Variants in EVI5 observed in about 807,000 individuals in gnomAD.
EVI5 encodes the protein ecotropic viral integration site 5, also known as ecotropic viral integration site 5 protein homolog.
In EVI5, 73 loss-of-function variants were observed where a neutral mutation model predicts 112.0. The ratio of observed to expected loss-of-function variants is 0.65; its 90% CI spans 0.54 to 0.79. EVI5 has a LOEUF of 0.79. Among genes scored for constraint, EVI5 ranks in the 30% least tolerant of loss-of-function variants. The probability of loss-of-function intolerance (pLI) is 0.00; values close to 1 mark genes in which losing one functional copy is unlikely to be tolerated. For missense variants in EVI5, 900 were observed against 968.8 expected (o/e 0.93, Z 0.94); for synonymous variants, 305 against 319.9 (o/e 0.95, Z 0.50).
chr1:92,699,909 A>T (rs1227724899), intron 5 of EVI5, among the ~76,000 whole-genome samples: 2 of 152,192 alleles, frequency 1.3e-5, no homozygotes, highest in Non-Finnish European at 2.9e-5. Flanking sequence ...ACATATCAAA[A>T]CAAGTTTCAT....
intron 13 of EVI5, chr1:92,647,541 A>G: frequency 1.9e-6 from 1 of 533,222 alleles, no homozygotes; most frequent in South Asian, 2.1e-5. Flanking sequence ...CAAAATTGAC[A>G]GAGACCTCTG....
intron 18 of EVI5, among the ~76,000 whole-genome samples, chr1:92,603,492 A>AC: frequency 6.6e-6 from 1 of 152,184 alleles, no homozygotes; most frequent in Non-Finnish European, 1.5e-5. Context: ...ATATACATAC[A>AC]ATGGAATATT....
intron 13 of EVI5, among the ~76,000 whole-genome samples, chr1:92,654,329 A>C (rs1260301114): frequency 2.0e-5 from 3 of 152,188 alleles, no homozygotes; most frequent in Non-Finnish European, 4.4e-5. Flanking sequence ...GGGAAATGAG[A>C]TAAGATTCTT....
upstream of EVI5, among the ~76,000 whole-genome samples, chr1:92,787,875 T>C (rs756830107): frequency 6.6e-6 from 1 of 152,192 alleles, no homozygotes; most frequent in Non-Finnish European, 1.5e-5. Flanking sequence ...GAATTATCTA[T>C]GTGAAGATAA....
At chr1:92,594,996 A>G (rs1386359762) in intron 18 of EVI5, among the ~76,000 whole-genome samples, 2 of 152,188 alleles carry the variant, frequency 1.3e-5, no homozygotes, top group African/African-American at 4.8e-5. Flanking sequence ...CCATTGTAGA[A>G]GTCAGTGTGG....
rs1285797355 is a variant in EVI5, at chr1:92,663,868, C to G, written c.1213-416G>C. On this transcript the variant is annotated intron_variant, in intron 11 of 19. Coordinates refer to ENST00000684568, the MANE Select transcript of EVI5 (RefSeq NM_001350197.2). Reference sequence around the variant, plus strand: ...AAGGAGTTGGTCCTTCTGCTTCAGCCTCCTGAGCAGCTAGGACTACAGGTG... The same window carrying G: ...AAGGAGTTGGTCCTTCTGCTTCAGCGTCCTGAGCAGCTAGGACTACAGGTG... 1.3e-4 allele frequency among the ~76,000 whole-genome samples: 20 copies of G among 152,154 alleles called. 1 individual carries two copies. Among genetic ancestry groups the G allele is most frequent in the Admixed American group, 1.3e-3 (20 of 15,284 alleles).
intron 1 of EVI5, among the ~76,000 whole-genome samples, chr1:92,776,855 T>G (rs1380040058): frequency 6.6e-6 from 1 of 150,482 alleles, no homozygotes; most frequent in Non-Finnish European, 1.5e-5. Flanking sequence ...CAGGCTGGAG[T>G]GCAGTGGCAA....
At chr1:92,729,145 T>C (rs1676065718) in intron 2 of EVI5, among the ~76,000 whole-genome samples, 1 of 152,242 alleles carries the variant, frequency 6.6e-6, no homozygotes, top group Non-Finnish European at 1.5e-5. Context: ...ATAAATCTTC[T>C]ATCTGTGAAA....
At chr1:92,664,488 A>AAAC (rs1269774616) in intron 11 of EVI5, among the ~76,000 whole-genome samples, 1 of 151,598 alleles carries the variant, frequency 6.6e-6, no homozygotes, top group African/African-American at 2.4e-5. Context: ...AAAGATTTAA[A>AAAC]AAAAAAAAAA....
At chr1:92,750,342 T>G (rs1679985343) in intron 1 of EVI5, among the ~76,000 whole-genome samples, 1 of 152,190 alleles carries the variant, frequency 6.6e-6, no homozygotes, top group Non-Finnish European at 1.5e-5. Context: ...GAGGTTTATT[T>G]TAATACAAAA....
At chr1:92,761,656 A>G (rs573688276) in intron 1 of EVI5, among the ~76,000 whole-genome samples, 7 of 152,266 alleles carry the variant, frequency 4.6e-5, no homozygotes, top group African/African-American at 1.7e-4. Flanking sequence ...TTTTTTTAAG[A>G]AATGGTGTCT....
At chr1:92,673,189 T>TTC (rs926018114) in intron 10 of EVI5, among the ~76,000 whole-genome samples, 1 of 150,912 alleles carries the variant, frequency 6.6e-6, no homozygotes, top group Non-Finnish European at 1.5e-5. Flanking sequence ...ACTTCTCTTT[T>TTC]TTTTTTTTTT....
At position 92,509,481 on chromosome 1, in the gene EVI5, T is replaced by A. The variant is rs1659057756; in HGVS notation, c.*4175A>T. 7.3e-6 allele frequency: 1 copy of A among 136,988 alleles called. No individual in the cohort carries two copies. Among genetic ancestry groups the A allele is most frequent in the South Asian group, 2.8e-4 (1 of 3,590 alleles). 8.5% of individuals were successfully genotyped at this position (136,988 alleles called of 1,614,324 possible). Reference sequence around the variant, plus strand: ...ATTGTGTAAAATTACATCTTTGACTTCTTTTCCCAGGATTTTTTTTTTTTT... The same window carrying A: ...ATTGTGTAAAATTACATCTTTGACTACTTTTCCCAGGATTTTTTTTTTTTT... On this transcript the variant is annotated 3_prime_UTR_variant, in exon 20 of 20. Transcript: ENST00000684568.
chr1:92,519,423 G>A (rs752823470), intron 19 of EVI5, among the ~76,000 whole-genome samples: 5 of 152,126 alleles, frequency 3.3e-5, no homozygotes, highest in Non-Finnish European at 5.9e-5. Flanking sequence ...AGGAGATTTC[G>A]TGACACTAGA....
chr1:92,791,603 T>G (rs1282220790), intron 1 of EVI5, among the ~76,000 whole-genome samples: 1 of 152,190 alleles, frequency 6.6e-6, no homozygotes, highest in Non-Finnish European at 1.5e-5. Flanking sequence ...CTCTGTAAGC[T>G]TCAGTCTCTT....
At chr1:92,566,029 A>G (rs569010732) in intron 18 of EVI5, among the ~76,000 whole-genome samples, 1 of 143,992 alleles carries the variant, frequency 6.9e-6, no homozygotes, top group East Asian at 2.1e-4. Context: ...TTCCAACAAC[A>G]CTGCTGTTCT....
intron 19 of EVI5, among the ~76,000 whole-genome samples, chr1:92,516,884 CAA>C (rs5776148): frequency 1.7e-3 from 245 of 141,864 alleles, no homozygotes; most frequent in South Asian, 4.8e-3. Flanking sequence ...CCCTTTCCTC[CAA>C]AAAAAAAAAA....
intron 1 of EVI5, among the ~76,000 whole-genome samples, chr1:92,746,995 T>C (rs1304228626): frequency 1.3e-5 from 2 of 152,112 alleles, no homozygotes; most frequent in Admixed American, 6.6e-5. Context: ...GGGGAAAAGC[T>C]ATAGAATAAT....
chr1:92,763,543 A>G (rs527374943), intron 1 of EVI5, among the ~76,000 whole-genome samples: 5 of 152,038 alleles, frequency 3.3e-5, no homozygotes, highest in Non-Finnish European at 7.3e-5. Context: ...GGCACCCTGG[A>G]GTTTGACGCT....
Sources: gnomAD v4.1 joint callset for allele counts (sites outside exome capture counted in the v4.1 genomes callset) on GRCh38, gnomAD v4.1.1 for gene constraint, MANE v1.5 for transcripts, NCBI Gene and HGNC (gene_info 2026-07-23, HGNC 2026-07-21) for gene names.